KCTD8: variants seen among roughly 807,000 people sequenced by gnomAD.
The protein encoded by KCTD8 is BTB/POZ domain-containing protein KCTD8.
Under a neutral mutation model 31.5 loss-of-function variants are expected in KCTD8, and 27 were observed. That is an observed-to-expected ratio of 0.86 (90% CI 0.63 to 1.18). KCTD8 has a LOEUF of 1.18. Among genes scored for constraint, KCTD8 ranks in the 50% most tolerant of loss-of-function variants. The probability of loss-of-function intolerance (pLI) is 0.00; values close to 1 mark genes in which losing one functional copy is unlikely to be tolerated. For synonymous variants in KCTD8, 290 were observed against 280.0 expected (o/e 1.04, Z -0.36); for missense variants, 658 against 647.7 (o/e 1.02, Z -0.17).
chr4:44,273,277 T>G (rs1716663002), intron 1 of KCTD8, among the ~76,000 whole-genome samples: 1 of 151,998 alleles, frequency 6.6e-6, no homozygotes, highest in Non-Finnish European at 1.5e-5. Flanking sequence ...TTGAAAGGCA[T>G]TTGACTATCT....
At chr4:44,332,227 G>A (rs556806810) in intron 1 of KCTD8, among the ~76,000 whole-genome samples, 14 of 151,920 alleles carry the variant, frequency 9.2e-5, no homozygotes, top group African/African-American at 3.4e-4. Context: ...TGTTTTTCCT[G>A]GTTTTCTTAG....
intron 1 of KCTD8, among the ~76,000 whole-genome samples, chr4:44,289,939 T>G (rs963940966): frequency 6.6e-6 from 1 of 152,026 alleles, no homozygotes; most frequent in African/African-American, 2.4e-5. Flanking sequence ...AACAATATGA[T>G]AACAATATCA....
intron 1 of KCTD8, among the ~76,000 whole-genome samples, chr4:44,376,034 CA>C (rs1355704993): frequency 2.6e-5 from 4 of 152,214 alleles, no homozygotes; most frequent in African/African-American, 7.2e-5. Flanking sequence ...ATTGAGACTG[CA>C]GTAATTGCTG....
chr4:44,308,214 C>T (rs1275118577), intron 1 of KCTD8, among the ~76,000 whole-genome samples: 2 of 152,004 alleles, frequency 1.3e-5, no homozygotes, highest in East Asian at 3.9e-4. Flanking sequence ...CTCATAGCTA[C>T]ATATGAAAGC....
chr4:44,356,712 T>C (rs549808605), intron 1 of KCTD8, among the ~76,000 whole-genome samples: 7 of 152,288 alleles, frequency 4.6e-5, no homozygotes, highest in African/African-American at 1.7e-4. Flanking sequence ...CCTGAGGTGA[T>C]CCACCTGCCT....
chr4:44,231,275 G>C (rs1180060724), intron 1 of KCTD8, among the ~76,000 whole-genome samples: 1 of 151,936 alleles, frequency 6.6e-6, no homozygotes, highest in Non-Finnish European at 1.5e-5. Context: ...TTTTATAGTT[G>C]CTTCAATCAA....
rs547596096 is a variant in KCTD8 at position 44,355,920 on chromosome 4, T to C, written c.961+91643A>G. 7.9e-4 allele frequency among the ~76,000 whole-genome samples: 106 copies of C among 133,760 alleles called. 1 individual carries two copies. The South Asian group carries it at 0.028, about 35-fold the overall frequency. The allele number at this position is 133,760 out of a possible 152,430, so 87.8% of individuals were successfully genotyped here. A position where few individuals can be genotyped will look rare whatever the true frequency, so the allele number is the denominator to read the frequency against. ...TGCTAAGTATAATCATTAAAGTATA[T>C]AAAGTCATACATTTTATAGCTAAAT... On this transcript the variant is annotated intron_variant, in intron 1 of 1. Coordinates refer to ENST00000360029, the MANE Select transcript of KCTD8 (RefSeq NM_198353.3).
intron 1 of KCTD8, among the ~76,000 whole-genome samples, chr4:44,192,615 A>T (rs1428882585): frequency 6.6e-6 from 1 of 152,090 alleles, no homozygotes; most frequent in Non-Finnish European, 1.5e-5. Flanking sequence ...ACATGTCACT[A>T]TGTGTCACCT....
intron 1 of KCTD8, among the ~76,000 whole-genome samples, chr4:44,372,329 G>GA (rs1410686046): frequency 6.6e-6 from 1 of 152,130 alleles, no homozygotes; most frequent in Non-Finnish European, 1.5e-5. Flanking sequence ...TTACATTCCA[G>GA]AAAAAGACAA....
intron 1 of KCTD8, among the ~76,000 whole-genome samples, chr4:44,352,285 G>A (rs12501162): frequency 0.31 from 46,361 of 151,712 alleles, 7,843 homozygotes; most frequent in Non-Finnish European, 0.39. Flanking sequence ...GTGGCTATGT[G>A]ATATATGTGA....
intron 1 of KCTD8, among the ~76,000 whole-genome samples, chr4:44,229,696 C>CTT (rs140239650): frequency 4.0e-5 from 6 of 151,288 alleles, no homozygotes; most frequent in African/African-American, 1.5e-4. Context: ...GTTCTAAAGC[C>CTT]TTTTTTTTTC....
intron 1 of KCTD8, among the ~76,000 whole-genome samples, chr4:44,240,007 C>G (rs773462842): frequency 6.6e-6 from 1 of 152,156 alleles, no homozygotes; most frequent in South Asian, 2.1e-4. Context: ...ATAAAGAAAT[C>G]AGAGATGCAA....
At chr4:44,268,197 A>G (rs553387169) in intron 1 of KCTD8, among the ~76,000 whole-genome samples, 9,290 of 151,928 alleles carry the variant, frequency 0.061, 950 homozygotes, top group African/African-American at 0.21. Context: ...TATCCACCAT[A>G]ATCAAGTGGG....
At chr4:44,305,284 C>A (rs1340497822) in intron 1 of KCTD8, among the ~76,000 whole-genome samples, 2 of 151,252 alleles carry the variant, frequency 1.3e-5, no homozygotes, top group African/African-American at 4.8e-5. Context: ...AATAATCTCT[C>A]CCCCTAAAAG....
intron 1 of KCTD8, among the ~76,000 whole-genome samples, chr4:44,343,836 G>T (rs557779536): frequency 6.6e-6 from 1 of 151,700 alleles, no homozygotes; most frequent in South Asian, 2.1e-4. Context: ...ACATTACAGG[G>T]TTTTTTTTGT....
chr4:44,331,117 T>C (rs183865910), intron 1 of KCTD8, among the ~76,000 whole-genome samples: 1 of 151,942 alleles, frequency 6.6e-6, no homozygotes, highest in Non-Finnish European at 1.5e-5. Context: ...TGGCTTCACA[T>C]GCTTTCTAAA....
chr4:44,380,893 C>T (rs998749263), intron 1 of KCTD8, among the ~76,000 whole-genome samples: 1 of 151,944 alleles, frequency 6.6e-6, no homozygotes, highest in Non-Finnish European at 1.5e-5. Context: ...AATGTGAAGA[C>T]TCTCAAAGTG....
chr4:44,440,766 A>G (rs1471643438), intron 1 of KCTD8, among the ~76,000 whole-genome samples: 1 of 152,222 alleles, frequency 6.6e-6, no homozygotes, highest in Non-Finnish European at 1.5e-5. Flanking sequence ...GTAGAAGATC[A>G]ACATGCGAAA....
chr4:44,404,269 G>A (rs555893795), intron 1 of KCTD8, among the ~76,000 whole-genome samples: 32 of 152,266 alleles, frequency 2.1e-4, no homozygotes, highest in Admixed American at 1.8e-3. Context: ...GTGTTTTGTT[G>A]TTGTTGTTTC....
Sources: gnomAD v4.1 joint callset for allele counts (sites outside exome capture counted in the v4.1 genomes callset) on GRCh38, gnomAD v4.1.1 for gene constraint, MANE v1.5 for transcripts, NCBI Gene and HGNC (gene_info 2026-07-23, HGNC 2026-07-21) for gene names.